The following LRP6 variants were observed in gnomAD, a reference collection of about 807,000 sequenced individuals.
The protein encoded by LRP6 is LDL receptor related protein 6.
LRP6 carries 43 observed loss-of-function variants against 184.1 expected under a neutral mutation model. That is an observed-to-expected ratio of 0.23 (90% confidence interval 0.18 to 0.30). The LOEUF is 0.30. LRP6 is among the 10% of genes least tolerant of loss of function. LRP6 has a pLI of 1.00. For missense variants in LRP6, 1,571 were observed against 2,005.3 expected (o/e 0.78, Z 4.14); for synonymous variants, 719 against 684.9 (o/e 1.05, Z -0.78).
chr12:12,161,901 T>C (rs902342645), intron 10 of LRP6, among the ~76,000 whole-genome samples: 19 of 152,066 alleles, frequency 1.2e-4, no homozygotes, highest in Middle Eastern at 3.2e-3. Context: ...TACAGATGGA[T>C]AATACCTCTT....
chr12:12,233,337 G>A (rs1313702416), intron 2 of LRP6, among the ~76,000 whole-genome samples: 3 of 152,064 alleles, frequency 2.0e-5, no homozygotes, highest in South Asian at 2.1e-4. Flanking sequence ...GCATGGTGGT[G>A]GGTGCTTATA....
chr12:12,206,205 C>T (rs1178289658), intron 2 of LRP6, among the ~76,000 whole-genome samples: 1 of 152,096 alleles, frequency 6.6e-6, no homozygotes, highest in African/African-American at 2.4e-5. Context: ...TACTGTTAAG[C>T]GACACATGAC....
At chr12:12,187,387 A>G (rs1429063563) in intron 3 of LRP6, 1 of 469,906 alleles carries the variant, frequency 2.1e-6, no homozygotes, top group Non-Finnish European at 3.9e-6. Flanking sequence ...TACCCGGCAG[A>G]GAGAGAGCAC....
intron 1 of LRP6, among the ~76,000 whole-genome samples, chr12:12,259,524 A>G (rs1166841960): frequency 1.3e-5 from 2 of 152,200 alleles, no homozygotes; most frequent in Non-Finnish European, 2.9e-5. Flanking sequence ...CAAAGTATCA[A>G]TAATTTTCAC....
intron 12 of LRP6, among the ~76,000 whole-genome samples, chr12:12,154,245 T>C (rs1297654467): frequency 1.9e-5 from 2 of 102,618 alleles, no homozygotes; most frequent in Admixed American, 2.3e-4. Flanking sequence ...CTATCCCCTT[T>C]TGCTTGATAG....
intron 1 of LRP6, among the ~76,000 whole-genome samples, chr12:12,258,858 T>C (rs539839820): frequency 6.6e-6 from 1 of 152,294 alleles, no homozygotes; most frequent in Admixed American, 6.5e-5. Flanking sequence ...TTGGGTCTTG[T>C]AGTGATAAAA....
Position 12,164,462 on chromosome 12 carries a change from G to A in LRP6, c.1863C>T (p.Ile621=). Residue 621 remains isoleucine, a synonymous_variant, in exon 9 of 23, where the codon ATC becomes ATT. Coordinates refer to ENST00000261349, the MANE Select transcript of LRP6 (RefSeq NM_002336.3). ...RCACPIGFEL[I]SDMKTCIVPE... ...GGACAATGCAGGTCTTCATGTCACT[G>A]ATGAGTTCAAAGCCAATAGGGCAAG... 1 of 1,614,154 alleles carries A rather than the reference G, an allele frequency of 6.2e-7. No individual in the cohort carries two copies. Among genetic ancestry groups the A allele is most frequent in the Non-Finnish European group, 8.5e-7 (1 of 1,180,016 alleles).
In LRP6 at chr12:12,211,432, A is replaced by G. The variant is rs183312479; in HGVS notation, c.450-8032T>C. On this transcript the variant is annotated intron_variant, in intron 2 of 22. Coordinates refer to ENST00000261349, the MANE Select transcript of LRP6 (RefSeq NM_002336.3). The stretch of plus-strand genomic sequence containing the variant: ...ACTCCAGTCTGGGTGACAGAGCAAC[A>G]CTCCGTCTCAAAAAAAGAGAGTCTG... 2.4e-3 allele frequency among the ~76,000 whole-genome samples: 373 copies of G among 152,246 alleles called. 3 individuals carry two copies. Among genetic ancestry groups the G allele is most frequent in the Non-Finnish European group, 4.0e-3 (271 of 68,014 alleles).
chr12:12,210,624 T>C (rs745351117), intron 2 of LRP6, among the ~76,000 whole-genome samples: 18 of 152,212 alleles, frequency 1.2e-4, no homozygotes, highest in Non-Finnish European at 1.9e-4. Flanking sequence ...TGTTGAGCCA[T>C]GCTAATTCTA....
chr12:12,139,098 T>C (rs1225261213), intron 15 of LRP6: 2 of 922,970 alleles, frequency 2.2e-6, no homozygotes, highest in East Asian at 6.5e-5. Flanking sequence ...TCTGTGTTCA[T>C]ACCCCCCACC....
At chr12:12,147,290 A>G (rs1950022025) in intron 15 of LRP6, 76 bp downstream of exon 15, 21 of 1,511,120 alleles carry the variant, frequency 1.4e-5, no homozygotes, top group Non-Finnish European at 1.9e-5. Flanking sequence ...CAAAAACAAT[A>G]CGATGCAAGA....
At position 12,158,752 on chromosome 12, in the gene LRP6, A is replaced by G. The variant is rs1351054595; in HGVS notation, c.2791+77T>C. ...GGATTTCCACACTATTTAACTTTAGAAAAAACACACACTAAAGTACTTTGA... is the reference window on the plus strand; with the variant it reads ...GGATTTCCACACTATTTAACTTTAGGAAAAACACACACTAAAGTACTTTGA... On this transcript the variant is annotated intron_variant, in intron 12 of 22. Transcript: ENST00000261349. 2.8e-6 allele frequency: 4 copies of G among 1,440,900 alleles called. No individual in the cohort carries two copies. The African/African-American group carries it at 5.6e-5, about 20-fold the overall frequency. 89.3% of individuals were successfully genotyped at this position (1,440,900 alleles called of 1,614,324 possible).
chr12:12,118,286 C>A lies in LRP6; in HGVS notation c.*2840G>T, dbSNP rs982521716. ...CCTTAAGTCACTATTCAGAAGACCA[C>A]GACTCTGTTGGAGCAAAGTCCAGGC... is the stretch of plus-strand genomic sequence containing the variant. On this transcript the variant is annotated 3_prime_UTR_variant, in exon 23 of 23. Coordinates refer to ENST00000261349, the MANE Select transcript of LRP6 (RefSeq NM_002336.3). 6.6e-6 allele frequency: 1 copy of A among 152,206 alleles called. No homozygotes were observed. The highest frequency in any genetic ancestry group is 2.4e-5 in the African/African-American group (1 of 41,454). The allele number at this position is 152,206 out of a possible 1,614,324, so 9.4% of individuals were successfully genotyped here. A position where few individuals can be genotyped will look rare whatever the true frequency, so the allele number is the denominator to read the frequency against.
In LRP6 at chr12:12,263,967, C is replaced by T. The variant is rs1865694392; in HGVS notation, c.55+2714G>A. On this transcript the variant is annotated intron_variant, in intron 1 of 22. Transcript: ENST00000261349. ...AGCCTGGGCAACATATCAAGACACC[C>T]CCACACCAACCCCATATCTACAAAA... is the stretch of plus-strand genomic sequence containing the variant. Among the ~76,000 whole-genome samples, 3 of 151,960 alleles carry T rather than the reference C, an allele frequency of 2.0e-5. No homozygotes were observed. In the South Asian group the frequency reaches 6.2e-4, roughly 32 times the overall value.
At position 12,162,256 on chromosome 12, in the gene LRP6, C is replaced by T. The variant is rs781505264; in HGVS notation, c.2216G>A (p.Arg739Gln). 1.9e-6 allele frequency: 3 copies of T among 1,614,172 alleles called. No individual in the cohort carries two copies. The highest frequency in any genetic ancestry group is 2.2e-5 in the East Asian group (1 of 44,882). ...IEVSKLDGQH[R>Q]QVLVWKDLDS... is the part of the protein sequence containing the mutation. ...TAGGTCTTTCCACACCAAAACTTGT[C>T]GGTGCTGCCCATCCAACTTTGACAC... Residue 739 changes from arginine to glutamine, a missense_variant, in exon 10 of 23, where the codon CGA (arginine) becomes CAA (glutamine). Transcript: ENST00000261349.
At chr12:12,172,223 C>T (rs1373100157) in intron 7 of LRP6, among the ~76,000 whole-genome samples, 2 of 152,178 alleles carry the variant, frequency 1.3e-5, no homozygotes, top group Non-Finnish European at 2.9e-5. Context: ...CTGCTTTGAC[C>T]ACACTGTGGC....
intron 15 of LRP6, among the ~76,000 whole-genome samples, chr12:12,142,841 A>G (rs1444660648): frequency 3.3e-5 from 5 of 152,186 alleles, no homozygotes; most frequent in Non-Finnish European, 7.4e-5. Context: ...TATCTACAGA[A>G]AAACCTTAGC....
intron 2 of LRP6, among the ~76,000 whole-genome samples, chr12:12,221,018 G>C (rs1864472688): frequency 6.6e-6 from 1 of 152,148 alleles, no homozygotes; most frequent in African/African-American, 2.4e-5. Context: ...CCTTCTACAA[G>C]TGGCATGTTT....
intron 19 of LRP6, among the ~76,000 whole-genome samples, chr12:12,130,482 G>A (rs1483046453): frequency 1.2e-4 from 18 of 152,042 alleles, no homozygotes; most frequent in African/African-American, 2.2e-4. Context: ...CACCACGCCC[G>A]GCTGATTTCT....
Sources: gnomAD v4.1 joint callset for allele counts (sites outside exome capture counted in the v4.1 genomes callset) on GRCh38, gnomAD v4.1.1 for gene constraint, MANE v1.5 for transcripts, NCBI Gene and HGNC (gene_info 2026-07-23, HGNC 2026-07-21) for gene names.